The following FLII variants were observed in gnomAD, a reference collection of about 807,000 sequenced individuals.
FLII encodes protein flightless-1 homolog.
FLII carries 101 observed loss-of-function variants against 156.2 expected under a neutral mutation model. The observed-to-expected ratio is 0.65, with a 90% confidence interval of 0.55 to 0.76. The LOEUF (loss-of-function observed/expected upper bound fraction) is 0.76, where lower values mean the gene tolerates loss of function less well. FLII is among the 30% of genes least tolerant of loss of function. The probability of loss-of-function intolerance (pLI) is 0.00; values close to 1 mark genes in which losing one functional copy is unlikely to be tolerated. For missense variants in FLII, 1,675 were observed against 1,682.8 expected, an observed-to-expected ratio of 1.00 and a Z score of 0.08; for synonymous variants, 767 against 685.8, an observed-to-expected ratio of 1.12 and a Z score of -1.85.
intron 16 of FLII, 89 bp downstream of exon 16, chr17:18,249,038 C>T (rs1177229092): frequency 3.6e-6 from 5 of 1,390,218 alleles, no homozygotes; most frequent in South Asian, 2.3e-5. Context: ...TGCTAGAGGG[C>T]CTCCTCTTCT....
At position 18,245,352 on chromosome 17, in the gene FLII, A is replaced by G; in HGVS notation, c.3675+2T>C. 6.2e-7 allele frequency: 1 copy of G among 1,614,014 alleles called. No individual in the cohort carries two copies. On this transcript the variant is annotated splice_donor_variant, in intron 29 of 29. Coordinates refer to ENST00000327031, the MANE Select transcript of FLII (RefSeq NM_002018.4). LOFTEE classifies it high-confidence loss of function. ...CCTCGGCCCTCCCTCCACCCAGATT[A>G]CCTGGCAGGCCTTCAGGCTCAGCTT...
In FLII at chr17:18,257,032, T is replaced by C; in HGVS notation, c.64-13A>G. On this transcript the variant is annotated splice_polypyrimidine_tract_variant and intron_variant, in intron 1 of 29. Coordinates refer to ENST00000327031, the MANE Select transcript of FLII (RefSeq NM_002018.4). The stretch of plus-strand genomic sequence containing the variant: ...GGAAGTAGCCGCCCTGGGGGAAGGA[T>C]GTCAAGGTGAAGCACAGAGCCCCTG... 1 of 1,572,926 alleles carries C rather than the reference T, an allele frequency of 6.4e-7. No homozygotes were observed. Among genetic ancestry groups the C allele is most frequent in the Non-Finnish European group, 8.7e-7 (1 of 1,153,370 alleles).
chr17:18,247,280 C>T lies in FLII; in HGVS notation c.2565G>A (p.Gln855=). ...DYTRNAEAVL[Q]SPGLSGKVKR... is the part of the protein sequence containing the mutation. The stretch of plus-strand genomic sequence containing the variant: ...TCACCTTCCCGGAGAGACCCGGGCT[C>T]TGCAGCACGGCCTCCGCATTGCGTG... The change falls in exon 21 of 30, where the codon CAG becomes CAA. Residue 855 remains glutamine (Q), a synonymous_variant. Coordinates refer to ENST00000327031, the MANE Select transcript of FLII (RefSeq NM_002018.4). 1 of 1,612,996 alleles carries T rather than the reference C, an allele frequency of 6.2e-7. No homozygotes were observed. Among genetic ancestry groups the T allele is most frequent in the Non-Finnish European group, 8.5e-7 (1 of 1,179,710 alleles).
chr17:18,258,523 G>C lies in FLII; in HGVS notation c.63+105C>G. The C allele has an allele frequency of 2.0e-6, 3 of 1,510,978 alleles. No individual in the cohort carries two copies. The highest frequency in any genetic ancestry group is 2.6e-6 in the Non-Finnish European group (3 of 1,136,426). The allele number at this position is 1,510,978 out of a possible 1,614,324, so 93.6% of individuals were successfully genotyped here. On this transcript the variant is annotated intron_variant, in intron 1 of 29. Transcript: ENST00000327031. The surrounding 1 kb of genome is among the most constrained non-coding windows in gnomAD (Gnocchi z 4.2). ...ACCCCGCCCCGGCCGCAGTCCCTGG[G>C]ACACGCAGGGCCTGGAGCCGAGCGG...
chr17:18,253,882 T>C, intron 7 of FLII, 163 bp from the exon 8 acceptor site: 2 of 832,522 alleles, frequency 2.4e-6, no homozygotes, highest in East Asian at 2.7e-5. Flanking sequence ...CTCCCTCACA[T>C]GGGGGTTGCG....
At position 18,245,300 on chromosome 17, in the gene FLII, G is replaced by A. The variant is rs370069054; in HGVS notation, c.3676-28C>T. ...GGCAAGGGGACAGCGAGCCTTGGGT[G>A]ATGACCCTGCCCTGCCCACAGGCCC... On this transcript the variant is annotated intron_variant, in intron 29 of 29. Coordinates refer to ENST00000327031, the MANE Select transcript of FLII (RefSeq NM_002018.4). 2.2e-5 allele frequency: 35 copies of A among 1,612,956 alleles called. No individual in the cohort carries two copies. In the African/African-American group the frequency reaches 4.7e-4, roughly 22 times the overall value.
Position 18,251,734 on chromosome 17 carries a change from C to T in FLII, c.1329G>A (p.Lys443=). Residue 443 remains lysine, a synonymous_variant, in exon 12 of 30, where the codon AAG becomes AAA. Coordinates refer to ENST00000327031, the MANE Select transcript of FLII (RefSeq NM_002018.4). ...RKDSAQDDQA[K]QVLKGMSDVA... is the part of the protein sequence containing the mutation. Reference sequence around the variant, plus strand: ...CATCTGACATGCCCTTCAGCACCTGCTTGGCCTGGTCATCCTGGGCTGAAT... The same window carrying T: ...CATCTGACATGCCCTTCAGCACCTGTTTGGCCTGGTCATCCTGGGCTGAAT... The T allele has an allele frequency of 1.2e-6, 2 of 1,614,062 alleles. No individual in the cohort carries two copies.
intron 9 of FLII, 70 bp downstream of exon 9, chr17:18,253,231 G>A (rs1567714781): frequency 5.9e-6 from 9 of 1,522,076 alleles, no homozygotes; most frequent in Non-Finnish European, 8.2e-6. Context: ...ACCACAAGGT[G>A]GGCTCTGACT....
Position 18,258,558 on chromosome 17 carries a change from C to T in FLII, c.63+70G>A. On this transcript the variant is annotated intron_variant, in intron 1 of 29. Transcript: ENST00000327031. The surrounding 1 kb of genome is among the most constrained non-coding windows in gnomAD (Gnocchi z 4.2). ...GCCTGGAGCCGAGCGGGACAGGAAG[C>T]GGAGGCCAAGCGGGCCGGGCGGAAG... The T allele has an allele frequency of 4.6e-6, 7 of 1,520,658 alleles. No homozygotes were observed. In the South Asian group the frequency reaches 6.1e-5, roughly 13 times the overall value. 94.2% of individuals were successfully genotyped at this position (1,520,658 alleles called of 1,614,324 possible). A position where few individuals can be genotyped will look rare whatever the true frequency, so the allele number is the denominator to read the frequency against.
At position 18,250,908 on chromosome 17, in the gene FLII, C is replaced by G. The variant is rs762167295; in HGVS notation, c.1706G>C (p.Arg569Pro). ...ACSAIHAVNL[R>P]NYLGAECRTV... ...GCGGCACTCAGCACCCAGGTAGTTG[C>G]GCAAGTTGACAGCGTGGATGGCAGA... The change falls in exon 14 of 30, where the codon CGC (arginine) becomes CCC (proline). Residue 569 changes from arginine (R) to proline (P), a missense_variant. By Grantham distance (103) the Arg-to-Pro change is moderately radical. This residue lies in a region of FLII where 1,332 missense variants were observed against 1,269.3 expected (regional missense o/e 1.05). Coordinates refer to ENST00000327031, the MANE Select transcript of FLII (RefSeq NM_002018.4). 1.9e-6 allele frequency: 3 copies of G among 1,613,922 alleles called. No individual in the cohort carries two copies. Among genetic ancestry groups the G allele is most frequent in the Non-Finnish European group, 2.5e-6 (3 of 1,180,000 alleles).
In FLII at chr17:18,253,466, G is replaced by A; in HGVS notation, c.856-8C>T. On this transcript the variant is annotated splice_region_variant and splice_polypyrimidine_tract_variant and intron_variant, in intron 8 of 29. Transcript: ENST00000327031. The stretch of plus-strand genomic sequence containing the variant: ...CAGCTTGCAAATGGCTGACTGGAGG[G>A]GGAACGGGCAGGGGTGGGAGGTCAG... The A allele has an allele frequency of 6.2e-7, 1 of 1,613,882 alleles. No individual in the cohort carries two copies. The highest frequency in any genetic ancestry group is 1.6e-4 in the Middle Eastern group (1 of 6,062).
Position 18,248,690 on chromosome 17 carries a change from G to T in FLII, c.2050C>A (p.Arg684=). 6.2e-7 allele frequency: 1 copy of T among 1,613,680 alleles called. No homozygotes were observed. The highest frequency in any genetic ancestry group is 8.5e-7 in the Non-Finnish European group (1 of 1,179,710). The stretch of plus-strand genomic sequence containing the variant: ...AGTGTGATCTCAGCCTTCCCTTTCC[G>T]CTCATTCTTGTTAATTTTCTCTGCA... ...LFAEKINKNE[R]KGKAEITLLV... is the part of the protein sequence containing the mutation. Residue 684 remains arginine, a synonymous_variant, in exon 18 of 30, where the codon CGG becomes AGG. Transcript: ENST00000327031.
At chr17:18,256,856 GC>G in intron 2 of FLII, 52 bp downstream of exon 2, 1 of 1,221,584 alleles carries the variant, frequency 8.2e-7, no homozygotes. Flanking sequence ...CACAGGCTCT[GC>G]CCACCTGGCT....
rs377757631 is a variant in FLII at position 18,252,098 on chromosome 17, C to A, written c.1147G>T (p.Ala383Ser). The change falls in exon 11 of 30, where the codon GCA becomes TCA. Residue 383 changes from alanine to serine, a missense_variant. Around this residue, in one of 2 missense-constraint regions of FLII, gnomAD observed 1,332 missense variants for 1,269.3 expected, o/e 1.05. Coordinates refer to ENST00000327031, the MANE Select transcript of FLII (RefSeq NM_002018.4). ...NPNLVMPPKP[A>S]DRAAEWYNID... ...TTGTACCACTCAGCGGCACGGTCTG[C>A]GGGCTTGGGCGGCATGACCAGGTTG... The A allele has an allele frequency of 2.5e-6, 4 of 1,613,368 alleles. No individual in the cohort carries two copies. The highest frequency in any genetic ancestry group is 1.7e-4 in the Middle Eastern group (1 of 6,056).
intron 18 of FLII, 63 bp from the exon 19 acceptor site, chr17:18,248,096 C>A (rs2048147205): frequency 4.2e-6 from 5 of 1,184,698 alleles, no homozygotes; most frequent in Non-Finnish European, 6.2e-6. Context: ...CCCACACAGC[C>A]CTCTGCTCTG....
At position 18,246,188 on chromosome 17, in the gene FLII, TGAG is replaced by T. The variant is rs1308842338; in HGVS notation, c.3238_3240del (p.Leu1080del). ...TTGAGGATGAAGCAGAACTCGGAGT[TGAG>T]GAGGCTGGAGTCGGTGTTGATCTGG... On this transcript the variant is annotated inframe_deletion, in exon 25 of 30. Transcript: ENST00000327031. The T allele has an allele frequency of 6.2e-7, 1 of 1,614,052 alleles. No homozygotes were observed. Among genetic ancestry groups the T allele is most frequent in the South Asian group, 1.1e-5 (1 of 91,072 alleles).
chr17:18,247,690 C>A lies in FLII; in HGVS notation c.2454G>T (p.Thr818=). The change falls in exon 20 of 30, where the codon ACG becomes ACT. Residue 818 remains threonine, a synonymous_variant. Coordinates refer to ENST00000327031, the MANE Select transcript of FLII (RefSeq NM_002018.4). ...CGGTGCCCTCGAGGCTGCGGCTGACCGTGGCATGGCGTGGCCGGTGCAGCA... is the reference window on the plus strand; with the variant it reads ...CGGTGCCCTCGAGGCTGCGGCTGACAGTGGCATGGCGTGGCCGGTGCAGCA... The part of the protein sequence containing the change: ...CGMLHRPRHA[T]VSRSLEGTEA... The A allele has an allele frequency of 6.3e-7, 1 of 1,598,202 alleles. No individual in the cohort carries two copies. The highest frequency in any genetic ancestry group is 8.5e-7 in the Non-Finnish European group (1 of 1,177,170).
In FLII at chr17:18,250,865, C is replaced by T; in HGVS notation, c.1749G>A (p.Met583Ile). The T allele has an allele frequency of 1.2e-6, 2 of 1,613,650 alleles. No individual in the cohort carries two copies. The highest frequency in any genetic ancestry group is 2.2e-5 in the South Asian group (2 of 91,076). ...GCAGGAACTCCTCGCTCTCATCGCCCATCTCCTCCCGGACAGTGCGGCACT... is the reference window on the plus strand; with the variant it reads ...GCAGGAACTCCTCGCTCTCATCGCCTATCTCCTCCCGGACAGTGCGGCACT... ...GAECRTVREE[M>I]GDESEEFLQV... Residue 583 changes from methionine to isoleucine, a missense_variant, in exon 14 of 30, where the codon ATG becomes ATA. Met to Ile is a conservative substitution (Grantham distance 10). Coordinates refer to ENST00000327031, the MANE Select transcript of FLII (RefSeq NM_002018.4).
chr17:18,251,877 C>G (rs2048281047), intron 11 of FLII, 61 bp from the exon 12 acceptor site: 2 of 1,609,324 alleles, frequency 1.2e-6, no homozygotes, highest in Non-Finnish European at 1.7e-6. Flanking sequence ...GGGCATGCGA[C>G]CAACCAGGGG....
Sources: allele counts gnomAD v4.1 joint callset, GRCh38; gene constraint gnomAD v4.1.1; regional missense constraint gnomAD v4.1.1; non-coding constraint Gnocchi (gnomAD v3.1); transcripts MANE v1.5; gene names NCBI Gene and HGNC (gene_info 2026-07-23, HGNC 2026-07-21).